Variants in KIF21A observed in about 807,000 individuals in gnomAD.
The protein encoded by KIF21A is kinesin-like protein KIF21A.
KIF21A carries 114 observed loss-of-function variants against 202.9 expected under a neutral mutation model. That is an observed-to-expected ratio of 0.56 (90% CI 0.48 to 0.66). The LOEUF is 0.66. Among genes scored for constraint, KIF21A ranks in the 30% least tolerant of loss-of-function variants. The pLI, the probability that KIF21A is intolerant of heterozygous loss-of-function variation, is 0.00. For synonymous variants in KIF21A, 667 were observed against 670.8 expected, an observed-to-expected ratio of 0.99 and a Z score of 0.09; for missense variants, 1,677 against 1,994.9, an observed-to-expected ratio of 0.84 and a Z score of 3.04.
intron 1 of KIF21A, among the ~76,000 whole-genome samples, chr12:39,441,464 C>T (rs970958447): frequency 2.0e-5 from 3 of 151,726 alleles, no homozygotes; most frequent in Non-Finnish European, 2.9e-5. Flanking sequence ...TTTTCCTTCC[C>T]CTTTCTCCAC....
At chr12:39,365,622 A>G (rs1389080478) in intron 6 of KIF21A, among the ~76,000 whole-genome samples, 1 of 115,420 alleles carries the variant, frequency 8.7e-6, no homozygotes, top group African/African-American at 3.6e-5. Context: ...AATCATTACT[A>G]AAAAAAATTA....
chr12:39,406,471 A>T (rs546858573), intron 1 of KIF21A, among the ~76,000 whole-genome samples: 2 of 152,312 alleles, frequency 1.3e-5, no homozygotes, highest in South Asian at 4.1e-4. Context: ...ATCTGCACAT[A>T]CTTTAATGTC....
intron 36 of KIF21A, among the ~76,000 whole-genome samples, chr12:39,302,476 A>G (rs1227380523): frequency 1.3e-5 from 2 of 152,312 alleles, no homozygotes; most frequent in East Asian, 3.9e-4. Context: ...AAAGACAGCA[A>G]TATTTGAATT....
chr12:39,387,518 G>A (rs903595005), intron 1 of KIF21A, among the ~76,000 whole-genome samples: 10 of 152,156 alleles, frequency 6.6e-5, no homozygotes, highest in African/African-American at 2.2e-4. Flanking sequence ...TACAGGATTT[G>A]ACAGTTGCTA....
chr12:39,410,166 C>T (rs1214708177), intron 1 of KIF21A, among the ~76,000 whole-genome samples: 1 of 152,108 alleles, frequency 6.6e-6, no homozygotes, highest in Non-Finnish European at 1.5e-5. Context: ...GGGCCCTGAG[C>T]CCAGGAATGC....
chr12:39,373,005 T>C (rs1001964879), intron 1 of KIF21A, among the ~76,000 whole-genome samples: 1 of 152,298 alleles, frequency 6.6e-6, no homozygotes, highest in Non-Finnish European at 1.5e-5. Context: ...ACCACCCTAA[T>C]GAAGGCCATC....
At chr12:39,321,394 G>C (rs1264402651) in intron 27 of KIF21A, 1 of 152,180 alleles carries the variant, frequency 6.6e-6, no homozygotes, top group Non-Finnish European at 1.5e-5. Context: ...AGTTCCAAAA[G>C]TCTCACTCAT....
At chr12:39,339,675 T>C (rs1193661203) in intron 16 of KIF21A, among the ~76,000 whole-genome samples, 2 of 152,186 alleles carry the variant, frequency 1.3e-5, no homozygotes, top group Non-Finnish European at 2.9e-5. Context: ...ACACTCTCTT[T>C]GGACAGGGGA....
intron 1 of KIF21A, among the ~76,000 whole-genome samples, chr12:39,394,964 TTACC>T (rs1160402238): frequency 2.6e-5 from 4 of 152,210 alleles, no homozygotes. Context: ...TTCTTCTCTC[TTACC>T]TATCTCACAC....
At chr12:39,384,885 T>C (rs1416547655) in intron 1 of KIF21A, among the ~76,000 whole-genome samples, 3 of 152,188 alleles carry the variant, frequency 2.0e-5, no homozygotes, top group Non-Finnish European at 2.9e-5. Flanking sequence ...TTTTTCTTGC[T>C]GGCAAAAGGC....
intron 6 of KIF21A, 89 bp from the exon 7 acceptor site, chr12:39,363,302 T>C: frequency 1.3e-6 from 1 of 744,542 alleles, no homozygotes; most frequent in Non-Finnish European, 2.3e-6. Context: ...GAGAATAATA[T>C]AGAGACATAA....
intron 1 of KIF21A, among the ~76,000 whole-genome samples, chr12:39,432,878 T>C (rs1416025638): frequency 6.6e-6 from 1 of 152,180 alleles, no homozygotes; most frequent in African/African-American, 2.4e-5. Flanking sequence ...CCCAAAGTGC[T>C]GGGATTACAG....
At position 39,341,588 on chromosome 12, in the gene KIF21A, T is replaced by G. The variant is rs1009678629; in HGVS notation, c.1838A>C (p.Glu613Ala). The G allele has an allele frequency of 6.2e-7, 1 of 1,610,850 alleles. No homozygotes were observed. Among genetic ancestry groups the G allele is most frequent in the East Asian group, 2.2e-5 (1 of 44,784 alleles). ...TTCCTCCTCCTCCTCCTCCTCTTCTTCATCCTCATGATCACTCACTTCTTG... is the reference window on the plus strand; with the variant it reads ...TTCCTCCTCCTCCTCCTCCTCTTCTGCATCCTCATGATCACTCACTTCTTG... ...ESQEVSDHED[E>A]EEEEEEEEDD... The change falls in exon 14 of 38, where the codon GAA (glutamate) becomes GCA (alanine). Residue 613 changes from glutamate (E) to alanine (A), a missense_variant. By Grantham distance (107) the Glu-to-Ala change is moderately radical. Transcript: ENST00000361418.
At chr12:39,340,608 A>G (rs1947360655) in intron 15 of KIF21A, among the ~76,000 whole-genome samples, 1 of 152,144 alleles carries the variant, frequency 6.6e-6, no homozygotes, top group Admixed American at 6.6e-5. Context: ...CATTAAAACA[A>G]CCATAAATTT....
At chr12:39,296,338 G>C (rs1057148683) in intron 37 of KIF21A, among the ~76,000 whole-genome samples, 1 of 151,574 alleles carries the variant, frequency 6.6e-6, no homozygotes, top group Non-Finnish European at 1.5e-5. Context: ...CAAAGTGCTG[G>C]GATTACAGGC....
At position 39,294,437 on chromosome 12, in the gene KIF21A, A is replaced by T. The variant is rs770949743; in HGVS notation, c.5012T>A (p.Ile1671Asn). 2 of 1,612,070 alleles carry T rather than the reference A, an allele frequency of 1.2e-6. No individual in the cohort carries two copies. The highest frequency in any genetic ancestry group is 3.3e-5 in the Admixed American group (2 of 60,014). Residue 1671 changes from isoleucine to asparagine, a missense_variant, in exon 38 of 38, where the codon ATT (isoleucine) becomes AAT (asparagine). By Grantham distance (149) the Ile-to-Asn change is moderately radical (BLOSUM62 -3). Around this residue, in one of 3 missense-constraint regions of KIF21A, gnomAD observed 705 missense variants for 791.9 expected, o/e 0.89. Coordinates refer to ENST00000361418, the MANE Select transcript of KIF21A (RefSeq NM_001173464.2). ...CTTCATTCATGTTTAATTACTGGCA[A>T]TATCTTCCCCCAGATCTCCTGTGTC... ...ISDTGDLGED[I>N]ASN
chr12:39,319,639 C>A (rs765576695), intron 28 of KIF21A, among the ~76,000 whole-genome samples: 5 of 151,928 alleles, frequency 3.3e-5, no homozygotes, highest in Non-Finnish European at 5.9e-5. Context: ...TATATTAACT[C>A]TTAAAATGAT....
intron 1 of KIF21A, among the ~76,000 whole-genome samples, chr12:39,388,164 T>C (rs940606025): frequency 1.3e-5 from 2 of 152,144 alleles, no homozygotes; most frequent in Non-Finnish European, 2.9e-5. Context: ...CCCTCATGAA[T>C]AGATTAATAC....
chr12:39,360,559 T>G (rs1565958718), intron 7 of KIF21A, among the ~76,000 whole-genome samples: 1 of 152,002 alleles, frequency 6.6e-6, no homozygotes, highest in Admixed American at 6.5e-5. Context: ...CCAGCTAATT[T>G]TTGTGTTTCT....
Sources: gnomAD v4.1 joint callset for allele counts (sites outside exome capture counted in the v4.1 genomes callset) on GRCh38, gnomAD v4.1.1 for gene constraint, gnomAD v4.1.1 regional missense constraint, MANE v1.5 for transcripts, NCBI Gene and HGNC (gene_info 2026-07-23, HGNC 2026-07-21) for gene names.